CDH20: variants seen among roughly 807,000 people sequenced by gnomAD.
CDH20 encodes cadherin 20.
In CDH20, 29 loss-of-function variants were observed where a neutral mutation model predicts 74.2. That is an observed-to-expected ratio of 0.39 (90% CI 0.29 to 0.53). The LOEUF is 0.53. Ranked by LOEUF, CDH20 falls within the 20% of genes least tolerant of loss-of-function variation. The pLI is 0.69. For missense variants in CDH20, 988 were observed against 1,048.3 expected (o/e 0.94, Z 0.79); for synonymous variants, 469 against 405.4 (o/e 1.16, Z -1.88).
intron 1 of CDH20, among the ~76,000 whole-genome samples, chr18:61,413,617 G>A (rs1912586176): frequency 6.6e-6 from 1 of 151,948 alleles, no homozygotes; most frequent in African/African-American, 2.4e-5. Context: ...ACACCAGGGT[G>A]AAAACACATA....
rs1014581364 is a variant in CDH20 at position 61,555,146 on chromosome 18, A to G, written c.*451A>G. On this transcript the variant is annotated 3_prime_UTR_variant, in exon 12 of 12. Transcript: ENST00000262717. Reference sequence around the variant, plus strand: ...TTTAAGAGTTTTGCTGGCTCAAACCACAGAAACCAACCCACAAGAAAGAAC... The same window carrying G: ...TTTAAGAGTTTTGCTGGCTCAAACCGCAGAAACCAACCCACAAGAAAGAAC... 2 of 994,490 alleles carry G rather than the reference A, an allele frequency of 2.0e-6. No homozygotes were observed. The highest frequency in any genetic ancestry group is 2.4e-6 in the Non-Finnish European group (2 of 835,738). 61.6% of individuals were successfully genotyped at this position (994,490 alleles called of 1,614,324 possible).
intron 2 of CDH20, among the ~76,000 whole-genome samples, chr18:61,491,635 A>C (rs1037556551): frequency 6.6e-6 from 1 of 152,172 alleles, no homozygotes; most frequent in Non-Finnish European, 1.5e-5. Flanking sequence ...TTCGAATGAG[A>C]TTGAGAGAAC....
At chr18:61,517,842 T>C (rs1254797873) in intron 6 of CDH20, among the ~76,000 whole-genome samples, 1 of 152,066 alleles carries the variant, frequency 6.6e-6, no homozygotes. Flanking sequence ...CCCACCCCCA[T>C]GGAGCCCAGC....
chr18:61,358,514 G>C (rs565326064), intron 1 of CDH20, among the ~76,000 whole-genome samples: 3 of 151,918 alleles, frequency 2.0e-5, no homozygotes, highest in Admixed American at 1.3e-4. Context: ...ATTTATATAC[G>C]TAATGGTGTG....
intron 1 of CDH20, among the ~76,000 whole-genome samples, chr18:61,440,841 C>T (rs1909006192): frequency 6.6e-6 from 1 of 152,184 alleles, no homozygotes. Context: ...AAGCTTGGAA[C>T]TTCTGCAGGC....
At chr18:61,463,150 T>C (rs985946654) in intron 1 of CDH20, among the ~76,000 whole-genome samples, 2 of 152,154 alleles carry the variant, frequency 1.3e-5, no homozygotes, top group African/African-American at 4.8e-5. Flanking sequence ...CTTTCTGTTG[T>C]CTCTTTTCCC....
At chr18:61,516,513 G>A (rs1294958085) in intron 6 of CDH20, among the ~76,000 whole-genome samples, 1 of 152,078 alleles carries the variant, frequency 6.6e-6, no homozygotes, top group African/African-American at 2.4e-5. Context: ...ACTATTTTGT[G>A]CCATAATTTT....
intron 1 of CDH20, among the ~76,000 whole-genome samples, chr18:61,395,768 C>T (rs1911943492): frequency 6.6e-6 from 1 of 152,162 alleles, no homozygotes; most frequent in Non-Finnish European, 1.5e-5. Context: ...GGCGCGGTGG[C>T]TTATGCCTAT....
chr18:61,420,913 G>T (rs1431438674), intron 1 of CDH20, among the ~76,000 whole-genome samples: 1 of 152,048 alleles, frequency 6.6e-6, no homozygotes, highest in Non-Finnish European at 1.5e-5. Flanking sequence ...AACTAGCTGG[G>T]CGTGTGGCGT....
intron 1 of CDH20, among the ~76,000 whole-genome samples, chr18:61,343,182 G>A (rs1005606799): frequency 3.9e-5 from 6 of 152,108 alleles, no homozygotes; most frequent in Admixed American, 3.9e-4. Flanking sequence ...ATAAACCACT[G>A]AAGCCCTGGT....
At position 61,534,870 on chromosome 18, in the gene CDH20, T is replaced by A. The variant is rs143681947; in HGVS notation, c.1272-1623T>A. On this transcript the variant is annotated intron_variant, in intron 7 of 11. Transcript: ENST00000262717. ...GTATATTTCAAAATAGCTAAAAGAA[T>A]AGATTTTAAATGGTATCATTGCAAA... 5.3e-5 allele frequency among the ~76,000 whole-genome samples: 8 copies of A among 152,320 alleles called. No homozygotes were observed. The East Asian group carries it at 1.5e-3, about 29-fold the overall frequency.
intron 1 of CDH20, among the ~76,000 whole-genome samples, chr18:61,340,499 C>A (rs1170395520): frequency 6.6e-6 from 1 of 151,992 alleles, no homozygotes; most frequent in African/African-American, 2.4e-5. Context: ...TGGACAGAAC[C>A]AAATTTTGAT....
At chr18:61,344,976 A>G (rs1739227663) in intron 1 of CDH20, among the ~76,000 whole-genome samples, 1 of 152,154 alleles carries the variant, frequency 6.6e-6, no homozygotes, top group African/African-American at 2.4e-5. Flanking sequence ...GACTTTGAAA[A>G]CTACTTTCTC....
rs1286783288 is a variant in CDH20, at chr18:61,353,487, G to T, written c.-153+19660G>T. Among the ~76,000 whole-genome samples, 1 of 152,108 alleles carries T rather than the reference G, an allele frequency of 6.6e-6. No individual in the cohort carries two copies. Among genetic ancestry groups the T allele is most frequent in the African/African-American group, 2.4e-5 (1 of 41,412 alleles). Reference sequence around the variant, plus strand: ...CAGTACTAATCATTTGTCTACTTGTGGTCCTCTTGTTTTTTCTAGAAGATG... The same window carrying T: ...CAGTACTAATCATTTGTCTACTTGTTGTCCTCTTGTTTTTTCTAGAAGATG... On this transcript the variant is annotated intron_variant, in intron 1 of 11. Coordinates refer to ENST00000262717, the MANE Select transcript of CDH20 (RefSeq NM_031891.4). This position sits in a 1 kb window ranked among gnomAD's most constrained non-coding sequence, Gnocchi z 4.6.
chr18:61,401,146 T>G (rs1460605031), intron 1 of CDH20, among the ~76,000 whole-genome samples: 3 of 152,236 alleles, frequency 2.0e-5, no homozygotes, highest in Non-Finnish European at 4.4e-5. Context: ...GCACTAATCA[T>G]TCTCGTACTT....
At chr18:61,464,935 A>G (rs1909912869) in intron 1 of CDH20, among the ~76,000 whole-genome samples, 1 of 152,238 alleles carries the variant, frequency 6.6e-6, no homozygotes, top group Non-Finnish European at 1.5e-5. Flanking sequence ...AAGCCACTGG[A>G]CATATTTAGA....
intron 1 of CDH20, among the ~76,000 whole-genome samples, chr18:61,380,500 C>G (rs149728140): frequency 2.0e-5 from 3 of 152,192 alleles, no homozygotes; most frequent in Admixed American, 1.3e-4. Context: ...TTAATTTCTG[C>G]AACTTTTGTT....
rs541346029 is a variant in CDH20, at chr18:61,497,914, G to A, written c.247-1272G>A. ...CAACCCAGGCAACAATGGAGTGGCT[G>A]ACTAAATTTAACTAACTGTTTTGTT... is the stretch of plus-strand genomic sequence containing the variant. On this transcript the variant is annotated intron_variant, in intron 2 of 11. Transcript: ENST00000262717. 3.3e-5 allele frequency among the ~76,000 whole-genome samples: 5 copies of A among 152,234 alleles called. No homozygotes were observed. In the South Asian group the frequency reaches 1.0e-3, roughly 32 times the overall value.
intron 6 of CDH20, among the ~76,000 whole-genome samples, chr18:61,518,487 C>A (rs940149636): frequency 6.9e-6 from 1 of 144,306 alleles, no homozygotes; most frequent in African/African-American, 2.8e-5. Context: ...GAGTCTGGAG[C>A]GGACCTCCAG....
Sources: gnomAD v4.1 joint callset for allele counts (sites outside exome capture counted in the v4.1 genomes callset) on GRCh38, gnomAD v4.1.1 for gene constraint, Gnocchi (gnomAD v3.1) non-coding constraint, MANE v1.5 for transcripts, NCBI Gene and HGNC (gene_info 2026-07-23, HGNC 2026-07-21) for gene names.